The following FGFR2 variants were observed in gnomAD, a reference collection of about 807,000 sequenced individuals.
FGFR2 encodes BEK fibroblast growth factor receptor.
A neutral mutation model predicts 95.9 loss-of-function variants in FGFR2; 19 were observed. The ratio of observed to expected loss-of-function variants is 0.20; its 90% CI spans 0.14 to 0.29. The LOEUF (loss-of-function observed/expected upper bound fraction) is 0.29. Among genes scored for constraint, FGFR2 ranks in the 10% least tolerant of loss-of-function variants. FGFR2 has a pLI of 1.00. For synonymous variants in FGFR2, 392 were observed against 393.3 expected (o/e 1.00, Z 0.04); for missense variants, 707 against 1,056.9 (o/e 0.67, Z 4.59).
At chr10:121,505,588 G>C (rs1848162243) in intron 9 of FGFR2, among the ~76,000 whole-genome samples, 1 of 152,212 alleles carries the variant, frequency 6.6e-6, no homozygotes, top group South Asian at 2.1e-4. Flanking sequence ...GAAAAGACGA[G>C]AAGGTAAATG....
chr10:121,574,839 G>A (rs537373883), intron 2 of FGFR2, among the ~76,000 whole-genome samples: 1 of 152,346 alleles, frequency 6.6e-6, no homozygotes, highest in East Asian at 1.9e-4. Flanking sequence ...GAGAAATACT[G>A]CCAACATAAA....
At chr10:121,522,854 C>CA (rs1413028984) in intron 6 of FGFR2, among the ~76,000 whole-genome samples, 2 of 152,184 alleles carry the variant, frequency 1.3e-5, no homozygotes, top group African/African-American at 4.8e-5. Flanking sequence ...TGTTAAAAAA[C>CA]AACTGAGGGA....
At chr10:121,568,682 T>G (rs1211734573) in intron 2 of FGFR2, among the ~76,000 whole-genome samples, 1 of 152,122 alleles carries the variant, frequency 6.6e-6, no homozygotes, top group Admixed American at 6.5e-5. Flanking sequence ...GAAAAAAATC[T>G]CTCTCCCGGC....
chr10:121,480,063 A>G (rs2133687928), intron 17 of FGFR2, 42 bp from the exon 18 acceptor site: 1 of 1,558,900 alleles, frequency 6.4e-7, no homozygotes, highest in East Asian at 2.2e-5. Flanking sequence ...ATCTTGGGTC[A>G]GGATAACAAG....
rs2133973433 is a variant in FGFR2, at chr10:121,498,535, G to T, written c.1632C>A (p.His544Gln). 6.2e-7 allele frequency: 1 copy of T among 1,613,908 alleles called. No individual in the cohort carries two copies. The highest frequency in any genetic ancestry group is 8.5e-7 in the Non-Finnish European group (1 of 1,179,784). Residue 544 changes from histidine to glutamine, a missense_variant, in exon 12 of 18, where the codon CAC becomes CAA. Coordinates refer to ENST00000358487, the MANE Select transcript of FGFR2 (RefSeq NM_000141.5). ...CTCCAAGAAGATTTATGATATTCTT[G>T]TGTTTCCCAATCATCTTCATCATCT... ...EMEMMKMIGK[H>Q]KNIINLLGAC... is the part of the protein sequence containing the mutation.
chr10:121,587,758 T>C (rs1390581250), intron 2 of FGFR2, among the ~76,000 whole-genome samples: 3 of 152,170 alleles, frequency 2.0e-5, no homozygotes, highest in Non-Finnish European at 2.9e-5. Context: ...GCTGGTGAGA[T>C]TGCAGAGAAA....
intron 5 of FGFR2, among the ~76,000 whole-genome samples, chr10:121,546,563 C>A (rs767557002): frequency 3.3e-5 from 5 of 152,154 alleles, no homozygotes; most frequent in Non-Finnish European, 7.3e-5. Flanking sequence ...ACTGAACTGC[C>A]GAATTCCAAA....
At chr10:121,578,991 C>G (rs940411820) in intron 2 of FGFR2, among the ~76,000 whole-genome samples, 1 of 152,136 alleles carries the variant, frequency 6.6e-6, no homozygotes, top group Admixed American at 6.5e-5. Flanking sequence ...ACAGGTGAGG[C>G]CTGATGCTGC....
At chr10:121,564,114 C>CAATT (rs1269110881) in intron 4 of FGFR2, among the ~76,000 whole-genome samples, 3 of 152,180 alleles carry the variant, frequency 2.0e-5, no homozygotes, top group Non-Finnish European at 4.4e-5. Flanking sequence ...CAAGAATAGG[C>CAATT]AATTGCCCCA....
chr10:121,573,240 G>A (rs899342284), intron 2 of FGFR2, among the ~76,000 whole-genome samples: 3 of 152,156 alleles, frequency 2.0e-5, no homozygotes, highest in African/African-American at 7.2e-5. Flanking sequence ...ATCACTTCAC[G>A]GAGAATGGAC....
At chr10:121,579,981 T>C (rs374355953) in intron 2 of FGFR2, among the ~76,000 whole-genome samples, 1 of 152,174 alleles carries the variant, frequency 6.6e-6, no homozygotes, top group East Asian at 1.9e-4. Context: ...CTCCCTGATA[T>C]TGATGTAAAC....
At chr10:121,525,298 T>G (rs1851205452) in intron 6 of FGFR2, among the ~76,000 whole-genome samples, 1 of 152,176 alleles carries the variant, frequency 6.6e-6, no homozygotes, top group Non-Finnish European at 1.5e-5. Flanking sequence ...TAAGACGGAA[T>G]GGAAAGCAGT....
intron 8 of FGFR2, among the ~76,000 whole-genome samples, chr10:121,516,777 A>G (rs563313150): frequency 1.3e-5 from 2 of 152,336 alleles, no homozygotes; most frequent in African/African-American, 4.8e-5. Context: ...AAGCAAACCG[A>G]AAGTCCATCC....
rs190242278 is a variant in FGFR2 at position 121,589,234 on chromosome 10, G to T, written c.109+4475C>A. ...TCCATGGAAATGTAAGGGTAAGCTA[G>T]ATTAGAGGGAGTTTTTAACAATTAC... is the stretch of plus-strand genomic sequence containing the variant. On this transcript the variant is annotated intron_variant, in intron 2 of 17. Coordinates refer to ENST00000358487, the MANE Select transcript of FGFR2 (RefSeq NM_000141.5). Among the ~76,000 whole-genome samples, 243 of 152,306 alleles carry T rather than the reference G, an allele frequency of 1.6e-3. 2 individuals are homozygous for T. Among genetic ancestry groups the T allele is most frequent in the African/African-American group, 5.3e-3 (220 of 41,560 alleles).
rs1849535635 is a variant in FGFR2, at chr10:121,515,147, G to A, written c.1257C>T (p.Thr419=). The A allele has an allele frequency of 1.2e-6, 2 of 1,614,162 alleles. No individual in the cohort carries two copies. The highest frequency in any genetic ancestry group is 1.3e-5 in the African/African-American group (1 of 75,032). The part of the protein sequence containing the change: ...FSSQPAVHKL[T]KRIPLRRQVT... ...CCTGTCTCCGCAGGGGGATACGTTT[G>A]GTCAGCTTGTGCACAGCCGGCTGGC... Residue 419 remains threonine, a synonymous_variant, in exon 9 of 18, where the codon ACC becomes ACT. Coordinates refer to ENST00000358487, the MANE Select transcript of FGFR2 (RefSeq NM_000141.5).
intron 3 of FGFR2, among the ~76,000 whole-genome samples, chr10:121,564,920 A>G (rs1857454931): frequency 6.6e-6 from 1 of 152,096 alleles, no homozygotes; most frequent in Admixed American, 6.5e-5. Context: ...TCCAACATTA[A>G]CCTTTCAGTA....
At chr10:121,584,372 C>A (rs1274839537) in intron 2 of FGFR2, among the ~76,000 whole-genome samples, 1 of 147,148 alleles carries the variant, frequency 6.8e-6, no homozygotes, top group Non-Finnish European at 1.5e-5. Context: ...TAACCCCTCT[C>A]CATCCCGCAC....
At chr10:121,488,151 C>CAA in intron 13 of FGFR2, 38 bp from the exon 14 acceptor site, 1 of 1,606,112 alleles carries the variant, frequency 6.2e-7, no homozygotes, top group South Asian at 1.1e-5. Context: ...TAACTAATTT[C>CAA]AAAACACCGC....
At chr10:121,482,400 C>G (rs1844877319) in intron 17 of FGFR2, among the ~76,000 whole-genome samples, 2 of 152,220 alleles carry the variant, frequency 1.3e-5, no homozygotes, top group African/African-American at 4.8e-5. Context: ...AGCTGCTGAG[C>G]TAAGACTTCA....
Sources: allele counts gnomAD v4.1 joint callset (sites outside exome capture counted in the v4.1 genomes callset), GRCh38; gene constraint gnomAD v4.1.1; transcripts MANE v1.5; gene names NCBI Gene and HGNC (gene_info 2026-07-23, HGNC 2026-07-21).